The following LIMCH1 variants were observed in gnomAD, a reference collection of about 807,000 sequenced individuals.
The protein encoded by LIMCH1 is LIM and calponin homology domains-containing protein 1.
LIMCH1 carries 113 observed loss-of-function variants against 176.5 expected under a neutral mutation model. The ratio of observed to expected loss-of-function variants is 0.64; its 90% confidence interval spans 0.55 to 0.75. LIMCH1 has a LOEUF of 0.75. LIMCH1 is among the 30% of genes least tolerant of loss of function. The pLI, the probability that LIMCH1 is intolerant of heterozygous loss-of-function variation, is 0.00. For missense variants in LIMCH1, 1,674 were observed against 1,814.9 expected (o/e 0.92, Z 1.41); for synonymous variants, 619 against 645.9 (o/e 0.96, Z 0.63).
rs143046129 is a variant in LIMCH1 at position 41,474,876 on chromosome 4, G to T, written c.97-19660G>T. Reference sequence around the variant, plus strand: ...GTGTCGAAGAGATGTCTGTGTTCCCGTGTTGACTGCAGCACTATTCACCAT... The same window carrying T: ...GTGTCGAAGAGATGTCTGTGTTCCCTTGTTGACTGCAGCACTATTCACCAT... On this transcript the variant is annotated intron_variant, in intron 1 of 26. Coordinates refer to the LIMCH1 transcript ENST00000313860. 5.9e-5 allele frequency among the ~76,000 whole-genome samples: 9 copies of T among 152,274 alleles called. No homozygotes were observed. In the East Asian group the frequency reaches 1.7e-3, roughly 29 times the overall value.
chr4:41,361,951 A>G (rs1209551677), intron 1 of LIMCH1, among the ~76,000 whole-genome samples: 6 of 152,186 alleles, frequency 3.9e-5, no homozygotes, highest in African/African-American at 1.4e-4. Flanking sequence ...CTGGTAGTTC[A>G]GAGGAGGAAG....
chr4:41,566,775 A>G (rs1373774454), intron 1 of LIMCH1, among the ~76,000 whole-genome samples: 1 of 152,232 alleles, frequency 6.6e-6, no homozygotes, highest in Non-Finnish European at 1.5e-5. Context: ...TTATTTGTTA[A>G]TTATACCCCA....
chr4:41,384,292 T>C (rs2056163830), intron 1 of LIMCH1, among the ~76,000 whole-genome samples: 1 of 151,090 alleles, frequency 6.6e-6, no homozygotes, highest in South Asian at 2.1e-4. Flanking sequence ...ACAAGCTCCG[T>C]CTCCTGGGTT....
intron 12 of LIMCH1, 115 bp downstream of exon 12, chr4:41,633,200 G>A (rs112589733): frequency 0.014 from 9,950 of 716,420 alleles, 116 homozygotes; most frequent in South Asian, 0.031. Context: ...CTGATAGAGC[G>A]TGGAGTAAAG....
At chr4:41,659,132 G>A (rs1000087544) in intron 18 of LIMCH1, among the ~76,000 whole-genome samples, 20 of 152,134 alleles carry the variant, frequency 1.3e-4, no homozygotes, top group African/African-American at 3.6e-4. Flanking sequence ...AGCAAACAAT[G>A]TAAACACACA....
intron 20 of LIMCH1, among the ~76,000 whole-genome samples, chr4:41,666,084 G>C (rs968930954): frequency 6.6e-6 from 1 of 152,188 alleles, no homozygotes; most frequent in Admixed American, 6.5e-5. Context: ...GCATAAATTT[G>C]TGGGGGGTTA....
chr4:41,388,342 A>C (rs1452135898), intron 1 of LIMCH1, among the ~76,000 whole-genome samples: 1 of 152,252 alleles, frequency 6.6e-6, no homozygotes, highest in Admixed American at 6.5e-5. Flanking sequence ...TGAACTACCA[A>C]ACCTCAAAAA....
chr4:41,476,646 G>A (rs950758154), intron 1 of LIMCH1, among the ~76,000 whole-genome samples: 4 of 152,230 alleles, frequency 2.6e-5, no homozygotes, highest in African/African-American at 9.6e-5. Context: ...AGGAAGATAA[G>A]TAGGGAAATA....
chr4:41,489,585 G>A (rs998581107), intron 1 of LIMCH1, among the ~76,000 whole-genome samples: 3 of 152,014 alleles, frequency 2.0e-5, no homozygotes, highest in Non-Finnish European at 4.4e-5. Flanking sequence ...AATATTTGGG[G>A]ATTTTCCAGT....
At position 41,491,008 on chromosome 4, in the gene LIMCH1, G is replaced by A. The variant is rs1266256946; in HGVS notation, c.97-3528G>A. On this transcript the variant is annotated intron_variant, in intron 1 of 26. Transcript: ENST00000313860. The stretch of plus-strand genomic sequence containing the variant: ...CAGAGGTGCTCCTCACTTCCCAGAC[G>A]GGGCGGCTGGGCAGAGGTGCACCTC... Among the ~76,000 whole-genome samples, 13 of 146,716 alleles carry A rather than the reference G, an allele frequency of 8.9e-5. 1 individual carries two copies. The highest frequency in any genetic ancestry group is 3.4e-4 in the Admixed American group (5 of 14,762).
chr4:41,599,109 AGACAGAGAAT>A, intron 2 of LIMCH1, 83 bp downstream of exon 2: 1 of 807,160 alleles, frequency 1.2e-6, no homozygotes, highest in Non-Finnish European at 2.1e-6. Flanking sequence ...AAGTTCTAAG[AGACAGAGAAT>A]TGGTTATGCT....
At chr4:41,643,575 G>A (rs185212985) in intron 14 of LIMCH1, among the ~76,000 whole-genome samples, 54 of 152,274 alleles carry the variant, frequency 3.5e-4, no homozygotes, top group African/African-American at 1.3e-3. Context: ...CACAAAAAAG[G>A]CCCTATGGTC....
chr4:41,419,688 CTTCCTTCCTTCCTTCCT>C (rs2060413732), intron 1 of LIMCH1, among the ~76,000 whole-genome samples: 1 of 82,778 alleles, frequency 1.2e-5, no homozygotes, highest in African/African-American at 6.4e-5. Context: ...TTCCTCCTTC[CTTCCTTCCTTCCTTCCT>C]TCCTTCCTTC....
At chr4:41,684,261 A>T in intron 26 of LIMCH1, 136 bp from the exon 27 acceptor site, 1 of 655,776 alleles carries the variant, frequency 1.5e-6, no homozygotes, top group Non-Finnish European at 2.4e-6. Context: ...AATCTATTTT[A>T]AAATAGAATA....
chr4:41,666,559 A>T lies in LIMCH1; in HGVS notation c.3292-2A>T. On this transcript the variant is annotated splice_acceptor_variant, in intron 20 of 31. Coordinates refer to ENST00000503057, the MANE Select transcript of LIMCH1 (RefSeq NM_001330672.2). LOFTEE classifies it high-confidence loss of function. Reference sequence around the variant, plus strand: ...TATTTATACCTGTTTTCCATTGTCCAGGTGGTAAAGCCAAAATCTCCAGAA... The same window carrying T: ...TATTTATACCTGTTTTCCATTGTCCTGGTGGTAAAGCCAAAATCTCCAGAA... 1 of 1,608,610 alleles carries T rather than the reference A, an allele frequency of 6.2e-7. No homozygotes were observed. The highest frequency in any genetic ancestry group is 1.7e-5 in the Admixed American group (1 of 59,966).
chr4:41,663,878 A>G (rs2152987568), intron 20 of LIMCH1, among the ~76,000 whole-genome samples: 1 of 150,228 alleles, frequency 6.7e-6, no homozygotes, highest in Admixed American at 6.6e-5. Context: ...AAAAAATAGT[A>G]ATAATAATAA....
rs1185084527 is a variant in LIMCH1, at chr4:41,541,263, C to T, written c.-241+2913C>T. Among the ~76,000 whole-genome samples the T allele has an allele frequency of 2.0e-5, 3 of 152,110 alleles. No homozygotes were observed. The East Asian group carries it at 5.8e-4, about 29-fold the overall frequency. ...AAATAAGAGCCATAGCTTATTAGAC[C>T]CTTAGAGTCCCAAAGCCCAGCCTTG... On this transcript the variant is annotated intron_variant, in intron 1 of 31. Transcript: ENST00000503057.
rs563584525 is a variant in LIMCH1 at position 41,631,494 on chromosome 4, G to T, written c.1601+17G>T. On this transcript the variant is annotated intron_variant, in intron 10 of 31. Coordinates refer to ENST00000503057, the MANE Select transcript of LIMCH1 (RefSeq NM_001330672.2). ...TGACTGCAGGTATTTTTTGCCATAC[G>T]TGTGCAAGGATATCTGCATGGGAGT... is the stretch of plus-strand genomic sequence containing the variant. The T allele has an allele frequency of 1.3e-6, 2 of 1,489,918 alleles. No homozygotes were observed. Among genetic ancestry groups the T allele is most frequent in the Admixed American group, 2.2e-5 (1 of 45,946 alleles). 92.3% of individuals were successfully genotyped at this position (1,489,918 alleles called of 1,614,324 possible).
chr4:41,663,015 AC>A, intron 20 of LIMCH1, 31 bp downstream of exon 20: 6 of 1,600,490 alleles, frequency 3.7e-6, no homozygotes, highest in Non-Finnish European at 5.1e-6. Flanking sequence ...AAGCGGTTAA[AC>A]CCACAAGTTA....
Sources: allele counts gnomAD v4.1 joint callset (sites outside exome capture counted in the v4.1 genomes callset), GRCh38; gene constraint gnomAD v4.1.1; transcripts MANE v1.5; gene names NCBI Gene and HGNC (gene_info 2026-07-23, HGNC 2026-07-21).